Variants in WDPCP observed in about 807,000 individuals in gnomAD.
The protein encoded by WDPCP is WD repeat containing planar cell polarity effector.
A neutral mutation model predicts 93.1 loss-of-function variants in WDPCP; 71 were observed. The ratio of observed to expected loss-of-function variants is 0.76; its 90% CI spans 0.63 to 0.93. WDPCP has a LOEUF of 0.93. WDPCP is among the 40% of genes least tolerant of loss of function. The pLI, the probability that WDPCP is intolerant of heterozygous loss-of-function variation, is 0.00. For synonymous variants in WDPCP, 315 were observed against 315.0 expected (o/e 1.00, Z 0.00); for missense variants, 844 against 887.4 (o/e 0.95, Z 0.62).
chr2:63,303,050 T>C (rs954570520), intron 13 of WDPCP, among the ~76,000 whole-genome samples: 4 of 152,198 alleles, frequency 2.6e-5, no homozygotes, highest in Non-Finnish European at 4.4e-5. Context: ...GCCACTTCAA[T>C]AGATGGTACC....
intron 2 of WDPCP, among the ~76,000 whole-genome samples, chr2:63,714,287 C>T (rs563199025): frequency 2.6e-5 from 4 of 151,800 alleles, no homozygotes; most frequent in Non-Finnish European, 2.9e-5. Context: ...AGGCTGGTCT[C>T]GAACTCCTGA....
At chr2:63,173,033 G>A (rs1021713925) in intron 15 of WDPCP, among the ~76,000 whole-genome samples, 3 of 151,942 alleles carry the variant, frequency 2.0e-5, no homozygotes, top group Non-Finnish European at 2.9e-5. Flanking sequence ...AGGCTGAGGC[G>A]GCTGGATCAC....
intron 2 of WDPCP, among the ~76,000 whole-genome samples, chr2:63,676,188 C>T (rs1338590547): frequency 6.6e-6 from 1 of 152,198 alleles, no homozygotes; most frequent in African/African-American, 2.4e-5. Context: ...TGAGAATTTA[C>T]AGGGCCAAGA....
chr2:63,507,085 G>A (rs1701927264), intron 1 of WDPCP, among the ~76,000 whole-genome samples: 5 of 151,994 alleles, frequency 3.3e-5, no homozygotes, highest in African/African-American at 1.2e-4. Context: ...AATAAATTAT[G>A]AAGAAATAAT....
At chr2:63,271,583 C>A (rs1184410860) in intron 13 of WDPCP, among the ~76,000 whole-genome samples, 4 of 152,142 alleles carry the variant, frequency 2.6e-5, no homozygotes, top group African/African-American at 9.7e-5. Flanking sequence ...CTACATGCAC[C>A]ATTGTGGTGC....
intron 3 of WDPCP, among the ~76,000 whole-genome samples, chr2:63,621,865 A>T (rs893351825): frequency 2.5e-4 from 30 of 120,820 alleles, no homozygotes; most frequent in African/African-American, 9.3e-4. Context: ...CTGGGGGCCA[A>T]TATTCAACAT....
chr2:63,570,254 A>T (rs867473778), intron 1 of WDPCP, among the ~76,000 whole-genome samples: 12 of 152,214 alleles, frequency 7.9e-5, no homozygotes, highest in Non-Finnish European at 1.5e-4. Flanking sequence ...AACTTGGAAA[A>T]AGGGTTCTTT....
At chr2:63,596,487 C>A (rs962946919) in intron 3 of WDPCP, among the ~76,000 whole-genome samples, 1 of 152,170 alleles carries the variant, frequency 6.6e-6, no homozygotes, top group African/African-American at 2.4e-5. Flanking sequence ...GCTGAGTTCC[C>A]TGTGCTTTTT....
At chr2:63,223,574 G>A (rs1205522294) in intron 14 of WDPCP, among the ~76,000 whole-genome samples, 1 of 152,054 alleles carries the variant, frequency 6.6e-6, no homozygotes, top group Non-Finnish European at 1.5e-5. Flanking sequence ...TGAATTCTGC[G>A]AAACATAAGA....
intron 1 of WDPCP, among the ~76,000 whole-genome samples, chr2:63,539,547 C>T (rs367725107): frequency 6.6e-6 from 1 of 152,066 alleles, no homozygotes; most frequent in African/African-American, 2.4e-5. Context: ...CAGAAATTAG[C>T]CAGGTGTGGT....
rs1669449810 is a variant in WDPCP at position 63,119,652 on chromosome 2, G to A, written c.*2354C>T. ...AAATTACCTCAGATCTGAGAAATCT[G>A]GAAAATAGTTGAAAAAGCTCATGGG... is the stretch of plus-strand genomic sequence containing the variant. On this transcript the variant is annotated 3_prime_UTR_variant, in exon 18 of 18. Coordinates refer to ENST00000272321, the MANE Select transcript of WDPCP (RefSeq NM_015910.7). 6.6e-6 allele frequency: 1 copy of A among 152,122 alleles called. No homozygotes were observed. The highest frequency in any genetic ancestry group is 2.4e-5 in the African/African-American group (1 of 41,410). 9.4% of individuals were successfully genotyped at this position (152,122 alleles called of 1,614,324 possible).
the WDPCP span, among the ~76,000 whole-genome samples, chr2:63,839,293 C>A: frequency 6.6e-6 from 1 of 152,256 alleles, no homozygotes; most frequent in African/African-American, 2.4e-5. Context: ...GGCGCGGTGG[C>A]TCACGCCTGT....
chr2:63,486,645 AT>A, intron 3 of WDPCP, 59 bp from the exon 4 acceptor site: 3 of 1,403,432 alleles, frequency 2.1e-6, no homozygotes, highest in Non-Finnish European at 3.0e-6. Flanking sequence ...TATTTTTATT[AT>A]AATGCCTTGT....
At chr2:63,814,729 T>C (rs548749837) in intron 1 of WDPCP, among the ~76,000 whole-genome samples, 32 of 152,352 alleles carry the variant, frequency 2.1e-4, no homozygotes, top group Non-Finnish European at 3.5e-4. Context: ...AAAACAGCAC[T>C]ATGTGTCTTT....
chr2:63,477,650 G>C (rs569617963), intron 6 of WDPCP, among the ~76,000 whole-genome samples: 3 of 152,072 alleles, frequency 2.0e-5, no homozygotes, highest in Non-Finnish European at 4.4e-5. Context: ...AGAATCCACA[G>C]ACCCTCTGAA....
chr2:63,687,410 G>C (rs1464557759), intron 2 of WDPCP, among the ~76,000 whole-genome samples: 1 of 152,170 alleles, frequency 6.6e-6, no homozygotes, highest in East Asian at 1.9e-4. Context: ...CAGAATGGGA[G>C]AAAATATTTG....
chr2:63,740,571 A>G (rs1305883333), intron 2 of WDPCP, among the ~76,000 whole-genome samples: 1 of 152,160 alleles, frequency 6.6e-6, no homozygotes, highest in Non-Finnish European at 1.5e-5. Context: ...GCCATAAATT[A>G]TCTGTTTGTT....
intron 2 of WDPCP, among the ~76,000 whole-genome samples, chr2:63,801,497 C>A (rs558899025): frequency 1.3e-5 from 2 of 152,146 alleles, no homozygotes; most frequent in African/African-American, 2.4e-5. Flanking sequence ...GTGGACCCAG[C>A]GGGTTCCTGC....
chr2:63,703,466 T>C (rs1669095527), intron 2 of WDPCP, among the ~76,000 whole-genome samples: 1 of 152,264 alleles, frequency 6.6e-6, no homozygotes, highest in Non-Finnish European at 1.5e-5. Flanking sequence ...ATTTCTCTGA[T>C]GGCCAGTGAT....
Sources: gnomAD v4.1 joint callset for allele counts (sites outside exome capture counted in the v4.1 genomes callset) on GRCh38, gnomAD v4.1.1 for gene constraint, MANE v1.5 for transcripts, NCBI Gene and HGNC (gene_info 2026-07-23, HGNC 2026-07-21) for gene names.